Variants in PROS1 observed in about 807,000 individuals in gnomAD.
PROS1 encodes protein S.
A neutral mutation model predicts 75.9 loss-of-function variants in PROS1; 29 were observed. The ratio of observed to expected loss-of-function variants is 0.38; its 90% CI spans 0.28 to 0.52. The LOEUF is 0.52. Among genes scored for constraint, PROS1 ranks in the 20% least tolerant of loss-of-function variants. The pLI, the probability that PROS1 is intolerant of heterozygous loss-of-function variation, is 0.83. For synonymous variants in PROS1, 245 were observed against 280.6 expected (o/e 0.87, Z 1.27); for missense variants, 680 against 810.3 (o/e 0.84, Z 1.95).
chr3:93,938,868 C>A (rs892862374), intron 1 of PROS1, among the ~76,000 whole-genome samples: 2 of 152,072 alleles, frequency 1.3e-5, no homozygotes, highest in Non-Finnish European at 2.9e-5. Flanking sequence ...CCTTCATTCA[C>A]CCACATTCAC....
At chr3:93,911,011 G>A in intron 3 of PROS1, 1 of 330,978 alleles carries the variant, frequency 3.0e-6, no homozygotes. Context: ...TGTCATATAA[G>A]TCTATGTTTT....
At chr3:93,935,145 G>A (rs1317927600) in intron 1 of PROS1, among the ~76,000 whole-genome samples, 1 of 152,158 alleles carries the variant, frequency 6.6e-6, no homozygotes, top group Non-Finnish European at 1.5e-5. Context: ...GATCAATGAA[G>A]ATGCTTCATT....
intron 1 of PROS1, among the ~76,000 whole-genome samples, chr3:93,952,488 T>A (rs908763302): frequency 6.6e-6 from 1 of 152,012 alleles, no homozygotes; most frequent in Admixed American, 6.6e-5. Context: ...ACTGGGTACA[T>A]AACAAAATGA....
At chr3:93,878,101 C>T (rs140754970) in intron 13 of PROS1, among the ~76,000 whole-genome samples, 8 of 152,188 alleles carry the variant, frequency 5.3e-5, no homozygotes, top group East Asian at 3.9e-4. Context: ...GAAAGAACCA[C>T]GGAGGCAAAC....
At chr3:93,908,533 G>A (rs1413270583) in intron 4 of PROS1, among the ~76,000 whole-genome samples, 1 of 152,088 alleles carries the variant, frequency 6.6e-6, no homozygotes. Context: ...AGAGATAGAG[G>A]AAAAGAGAAA....
chr3:93,896,410 T>C (rs190264317), intron 9 of PROS1, among the ~76,000 whole-genome samples, 166 bp downstream of exon 9: 155 of 152,330 alleles, frequency 1.0e-3, no homozygotes, highest in Non-Finnish European at 1.8e-3. Flanking sequence ...ATTACATGTG[T>C]GAAGGAGTAA....
At chr3:93,930,588 C>G (rs1488732138) in intron 1 of PROS1, among the ~76,000 whole-genome samples, 1 of 152,152 alleles carries the variant, frequency 6.6e-6, no homozygotes, top group Non-Finnish European at 1.5e-5. Context: ...ACATCTCTTT[C>G]CCCGTATGGG....
chr3:93,906,154 T>A lies in PROS1; in HGVS notation c.347-11A>T, dbSNP rs1346686411. 1.2e-6 allele frequency: 2 copies of A among 1,612,146 alleles called. No individual in the cohort carries two copies. The highest frequency in any genetic ancestry group is 1.7e-6 in the Non-Finnish European group (2 of 1,179,438). On this transcript the variant is annotated splice_polypyrimidine_tract_variant and intron_variant, in intron 4 of 14. Transcript: ENST00000394236. ...ACTGGTCTGGAATGGCTGAAGGAAA[T>A]AGACATCTATTTATTTTTTTTATCT...
At chr3:93,895,827 T>G (rs1708494611) in intron 9 of PROS1, among the ~76,000 whole-genome samples, 1 of 152,052 alleles carries the variant, frequency 6.6e-6, no homozygotes, top group Non-Finnish European at 1.5e-5. Context: ...TAGCTGGGTG[T>G]GGCAGCTCAC....
Position 93,926,504 on chromosome 3 carries a change from C to T in PROS1, c.234+746G>A, listed in dbSNP as rs149615678. Among the ~76,000 whole-genome samples, 101 of 152,220 alleles carry T rather than the reference C, an allele frequency of 6.6e-4. 1 individual carries two copies. The East Asian group carries it at 0.012, about 19-fold the overall frequency. On this transcript the variant is annotated intron_variant, in intron 2 of 14. Transcript: ENST00000394236. Reference sequence around the variant, plus strand: ...AAAATTAGCCAGGCATGGTGGCATACGCCTCTAATCCCACCTACTCAGGTG... The same window carrying T: ...AAAATTAGCCAGGCATGGTGGCATATGCCTCTAATCCCACCTACTCAGGTG...
intron 1 of PROS1, among the ~76,000 whole-genome samples, chr3:93,955,187 A>T (rs1709578353): frequency 6.6e-6 from 1 of 152,198 alleles, no homozygotes; most frequent in Non-Finnish European, 1.5e-5. Flanking sequence ...AAGGATCTAG[A>T]ACTAGAAATA....
intron 3 of PROS1, among the ~76,000 whole-genome samples, chr3:93,916,884 C>T (rs1576192922): frequency 6.6e-6 from 1 of 152,192 alleles, no homozygotes; most frequent in South Asian, 2.1e-4. Context: ...ATAGGCACCA[C>T]TATCCTAGCT....
chr3:93,886,957 GCCAGA>G (rs2107141052), intron 10 of PROS1, among the ~76,000 whole-genome samples: 1 of 150,124 alleles, frequency 6.7e-6, no homozygotes, highest in African/African-American at 2.4e-5. Flanking sequence ...TGTCGCCCAG[GCCAGA>G]CTGCGGACTG....
chr3:93,970,667 G>C (rs1709865321), intron 1 of PROS1, among the ~76,000 whole-genome samples: 3 of 150,952 alleles, frequency 2.0e-5, no homozygotes, highest in Non-Finnish European at 4.5e-5. Flanking sequence ...TAAATATAGA[G>C]ATTCTCATCT....
At chr3:93,938,084 T>C (rs1709215737) in intron 1 of PROS1, among the ~76,000 whole-genome samples, 1 of 152,108 alleles carries the variant, frequency 6.6e-6, no homozygotes, top group South Asian at 2.1e-4. Flanking sequence ...AGCTAACCCA[T>C]CATATCCCCT....
At chr3:93,939,349 A>G (rs1709242896) in intron 1 of PROS1, among the ~76,000 whole-genome samples, 1 of 151,988 alleles carries the variant, frequency 6.6e-6, no homozygotes, top group South Asian at 2.1e-4. Context: ...CCGTCCCCTC[A>G]GTCCCAACCC....
At chr3:93,926,712 T>TGCGC (rs1444144759) in intron 2 of PROS1, among the ~76,000 whole-genome samples, 6 of 152,242 alleles carry the variant, frequency 3.9e-5, no homozygotes, top group African/African-American at 1.4e-4. Context: ...CATGCATGCG[T>TGCGC]GCGCGCGCAC....
At chr3:93,951,332 G>A (rs891377973) in intron 1 of PROS1, among the ~76,000 whole-genome samples, 9 of 152,206 alleles carry the variant, frequency 5.9e-5, no homozygotes, top group African/African-American at 2.2e-4. Context: ...AAAATATTAA[G>A]GGCAGCCAGA....
intron 1 of PROS1, among the ~76,000 whole-genome samples, chr3:93,947,871 A>G (rs1327959192): frequency 1.3e-5 from 2 of 152,058 alleles, no homozygotes; most frequent in African/African-American, 4.8e-5. Flanking sequence ...CCCAGCCTAG[A>G]AAGAGTTATT....
Sources: gnomAD v4.1 joint callset for allele counts (sites outside exome capture counted in the v4.1 genomes callset) on GRCh38, gnomAD v4.1.1 for gene constraint, MANE v1.5 for transcripts, NCBI Gene and HGNC (gene_info 2026-07-23, HGNC 2026-07-21) for gene names.